Variants in TENM3 observed in about 807,000 individuals in gnomAD.
The protein encoded by TENM3 is teneurin transmembrane protein 3.
TENM3 carries 63 observed loss-of-function variants against 255.1 expected under a neutral mutation model. The ratio of observed to expected loss-of-function variants is 0.25; its 90% CI spans 0.20 to 0.30. The LOEUF is 0.30. Ranked by LOEUF, TENM3 falls within the 10% of genes least tolerant of loss-of-function variation. The pLI is 1.00. For synonymous variants in TENM3, 1,306 were observed against 1,322.3 expected (o/e 0.99, Z 0.27); for missense variants, 2,929 against 3,461.1 (o/e 0.85, Z 3.86).
chr4:182,752,053 G>T, intron 20 of TENM3, 21 bp downstream of exon 20: 15 of 1,332,622 alleles, frequency 1.1e-5, no homozygotes, highest in South Asian at 6.4e-5. Flanking sequence ...TTGGCGATTT[G>T]AGGATTTCTT....
At chr4:182,440,114 C>CTTTTTT (rs5864784) in intron 3 of TENM3, among the ~76,000 whole-genome samples, 2 of 126,766 alleles carry the variant, frequency 1.6e-5, no homozygotes, top group Non-Finnish European at 3.2e-5. Flanking sequence ...TGGTGGGCAC[C>CTTTTTT]TTTTTTTTTT....
At chr4:182,015,190 C>G in the TENM3 span, among the ~76,000 whole-genome samples, 1 of 152,196 alleles carries the variant, frequency 6.6e-6, no homozygotes, top group African/African-American at 2.4e-5. Flanking sequence ...GGATCTGCCT[C>G]GGGTACTCCT....
chr4:182,442,879 C>CATAT (rs374176073), intron 3 of TENM3, among the ~76,000 whole-genome samples: 10 of 128,544 alleles, frequency 7.8e-5, no homozygotes, highest in African/African-American at 3.2e-4. Context: ...CACACACACA[C>CATAT]ATATATATAT....
the TENM3 span, among the ~76,000 whole-genome samples, chr4:182,066,715 C>T: frequency 4.0e-5 from 6 of 151,674 alleles, no homozygotes; most frequent in Admixed American, 6.6e-5. Flanking sequence ...TCGAGACCGT[C>T]CTGGCTAACA....
the TENM3 span, among the ~76,000 whole-genome samples, chr4:181,764,471 A>G: frequency 6.6e-6 from 1 of 152,194 alleles, no homozygotes; most frequent in Non-Finnish European, 1.5e-5. Context: ...CGTTGATTTT[A>G]GAATATCTAA....
At chr4:181,659,153 T>C in the TENM3 span, among the ~76,000 whole-genome samples, 12 of 152,178 alleles carry the variant, frequency 7.9e-5, no homozygotes, top group Non-Finnish European at 1.6e-4. Flanking sequence ...GATAGTAATA[T>C]CAATTATTGC....
At chr4:182,388,388 ACTT>A (rs1264307257) in intron 3 of TENM3, among the ~76,000 whole-genome samples, 19 of 152,212 alleles carry the variant, frequency 1.2e-4, no homozygotes, top group Admixed American at 8.5e-4. Flanking sequence ...ATGTACACCC[ACTT>A]CTTCAACAGT....
chr4:181,915,562 T>C, the TENM3 span, among the ~76,000 whole-genome samples: 10 of 151,436 alleles, frequency 6.6e-5, no homozygotes, highest in Non-Finnish European at 7.4e-5. Flanking sequence ...CTGAATCTAA[T>C]GATATATTTG....
rs1200746220 is a variant in TENM3, at chr4:182,346,800, C to A, written c.382C>A (p.Pro128Thr). Reference protein sequence around the residue: ...ADTENEAVMSPEHAMRLWGRG... With the variant: ...ADTENEAVMSTEHAMRLWGRG... ...TACTGAAAATGAAGCAGTGATGTCCCCAGAGCATGCCATGAGACTTTGGGG... is the reference window on the plus strand; with the variant it reads ...TACTGAAAATGAAGCAGTGATGTCCACAGAGCATGCCATGAGACTTTGGGG... The change falls in exon 3 of 28, where the codon CCA becomes ACA. Residue 128 changes from proline (P) to threonine (T), a missense_variant. Pro to Thr is a conservative substitution (Grantham distance 38, BLOSUM62 -1). Around this residue, in one of 6 missense-constraint regions of TENM3, gnomAD observed 283 missense variants for 256.9 expected, o/e 1.10. Coordinates refer to ENST00000511685, the MANE Select transcript of TENM3 (RefSeq NM_001080477.4). The A allele has an allele frequency of 6.2e-7, 1 of 1,613,374 alleles. No individual in the cohort carries two copies. Among genetic ancestry groups the A allele is most frequent in the South Asian group, 1.1e-5 (1 of 90,956 alleles).
the TENM3 span, among the ~76,000 whole-genome samples, chr4:181,697,798 T>C: frequency 1.3e-5 from 2 of 152,254 alleles, no homozygotes; most frequent in Non-Finnish European, 2.9e-5. Context: ...TCTAGCTGAA[T>C]GTGTTAATTT....
chr4:182,417,111 T>C (rs371650176), intron 3 of TENM3, among the ~76,000 whole-genome samples: 208 of 151,832 alleles, frequency 1.4e-3, no homozygotes, highest in South Asian at 6.7e-3. Context: ...GTAGCTGGGA[T>C]TACAGGCGCC....
intron 3 of TENM3, among the ~76,000 whole-genome samples, chr4:182,428,264 C>G (rs1011916015): frequency 1.3e-5 from 2 of 152,010 alleles, no homozygotes; most frequent in Admixed American, 1.3e-4. Flanking sequence ...AAAGAAAAAG[C>G]CAGAAATCCA....
At chr4:182,588,237 A>G (rs556685244) in intron 3 of TENM3, among the ~76,000 whole-genome samples, 1 of 152,320 alleles carries the variant, frequency 6.6e-6, no homozygotes, top group East Asian at 1.9e-4. Flanking sequence ...AGGTTTAGTT[A>G]GAGTAAGTGC....
chr4:181,977,289 G>A, the TENM3 span, among the ~76,000 whole-genome samples: 7 of 152,156 alleles, frequency 4.6e-5, no homozygotes, highest in Admixed American at 2.0e-4. Context: ...AGAACACAGC[G>A]CACAGCAAAC....
chr4:182,359,921 T>C (rs949075975), intron 3 of TENM3, among the ~76,000 whole-genome samples: 1 of 151,146 alleles, frequency 6.6e-6, no homozygotes, highest in African/African-American at 2.4e-5. Flanking sequence ...GTATGTTGTG[T>C]CTTTGTTCTC....
chr4:182,244,810 A>C (rs185753636), intron 1 of TENM3, among the ~76,000 whole-genome samples: 1 of 152,362 alleles, frequency 6.6e-6, no homozygotes, highest in East Asian at 1.9e-4. Flanking sequence ...GAGTTTGCAA[A>C]TATCACTTTA....
At chr4:181,609,991 T>C in the TENM3 span, among the ~76,000 whole-genome samples, 2 of 152,218 alleles carry the variant, frequency 1.3e-5, no homozygotes, top group African/African-American at 2.4e-5. Context: ...GAAAGTGTTT[T>C]ATTGCTTTAA....
chr4:182,161,652 T>C (rs183133894), intron 1 of TENM3, among the ~76,000 whole-genome samples: 3,070 of 75,542 alleles, frequency 0.041, 246 homozygotes, highest in Non-Finnish European at 0.057. Flanking sequence ...TATATATATA[T>C]ACACACACAC....
the TENM3 span, among the ~76,000 whole-genome samples, chr4:181,768,399 G>A: frequency 6.6e-6 from 1 of 152,170 alleles, no homozygotes; most frequent in South Asian, 2.1e-4. Context: ...GAAAAACTCT[G>A]CTTTACAGGT....
Sources: gnomAD v4.1 joint callset for allele counts (sites outside exome capture counted in the v4.1 genomes callset) on GRCh38, gnomAD v4.1.1 for gene constraint, gnomAD v4.1.1 regional missense constraint, MANE v1.5 for transcripts, NCBI Gene and HGNC (gene_info 2026-07-23, HGNC 2026-07-21) for gene names.